The following CORIN variants were observed in gnomAD, a reference collection of about 807,000 sequenced individuals.
The protein encoded by CORIN is corin, serine peptidase.
Under a neutral mutation model 125.3 loss-of-function variants are expected in CORIN, and 117 were observed. The ratio of observed to expected loss-of-function variants is 0.93; its 90% CI spans 0.80 to 1.09. The LOEUF (loss-of-function observed/expected upper bound fraction) is 1.09, where lower values mean the gene tolerates loss of function less well. Ranked by LOEUF, CORIN falls within the 50% of genes least tolerant of loss-of-function variation. The pLI, the probability that CORIN is intolerant of heterozygous loss-of-function variation, is 0.00. For synonymous variants in CORIN, 450 were observed against 466.4 expected (o/e 0.96, Z 0.45); for missense variants, 1,253 against 1,306.7 (o/e 0.96, Z 0.63).
At chr4:47,825,375 A>G (rs1732698621) in intron 1 of CORIN, among the ~76,000 whole-genome samples, 1 of 152,194 alleles carries the variant, frequency 6.6e-6, no homozygotes, top group Non-Finnish European at 1.5e-5. Context: ...GCTAATTAGC[A>G]TCACCTGGGA....
At chr4:47,653,074 A>G (rs1723807260) in intron 13 of CORIN, among the ~76,000 whole-genome samples, 1 of 152,236 alleles carries the variant, frequency 6.6e-6, no homozygotes, top group East Asian at 1.9e-4. Flanking sequence ...TGTTGGCACA[A>G]TACAATAAGA....
Position 47,674,445 on chromosome 4 carries a change from A to C in CORIN, c.1305T>G (p.Asp435Glu), listed in dbSNP as rs1724920081. 6.2e-7 allele frequency: 1 copy of C among 1,613,950 alleles called. No individual in the cohort carries two copies. Among genetic ancestry groups the C allele is most frequent in the South Asian group, 1.1e-5 (1 of 91,084 alleles). The change falls in exon 10 of 22, where the codon GAT (aspartate) becomes GAG (glutamate). Residue 435 changes from aspartate to glutamate, a missense_variant. Asp to Glu is a conservative substitution (Grantham distance 45). Transcript: ENST00000273857. ...DQRCLYNPCL[D>E]SCGGSSLCDP... ...CACAGAGAGAGCTACCACCACATGA[A>C]TCAAGGCAGGGATTGTAGAGGCATC...
At chr4:47,674,887 C>T (rs1028066410) in intron 9 of CORIN, among the ~76,000 whole-genome samples, 1 of 152,116 alleles carries the variant, frequency 6.6e-6, no homozygotes, top group Non-Finnish European at 1.5e-5. Context: ...TTAAGTGACA[C>T]TTTTTTAAGA....
At chr4:47,606,007 A>G (rs893510867) in intron 19 of CORIN, among the ~76,000 whole-genome samples, 5 of 152,152 alleles carry the variant, frequency 3.3e-5, no homozygotes, top group Non-Finnish European at 7.3e-5. Context: ...TCCATTAAAC[A>G]AATAGTAATT....
intron 21 of CORIN, among the ~76,000 whole-genome samples, chr4:47,596,445 T>C (rs1371091450): frequency 1.3e-5 from 2 of 152,216 alleles, no homozygotes; most frequent in South Asian, 2.1e-4. Flanking sequence ...TAATTTGGCA[T>C]AGTTGAATAC....
chr4:47,732,486 T>C (rs764588481), intron 5 of CORIN, among the ~76,000 whole-genome samples: 2 of 151,988 alleles, frequency 1.3e-5, no homozygotes, highest in Non-Finnish European at 2.9e-5. Flanking sequence ...TTCTAAACCA[T>C]ATGTTGTACA....
intron 3 of CORIN, among the ~76,000 whole-genome samples, chr4:47,767,044 T>C (rs1362016739): frequency 6.6e-6 from 1 of 150,748 alleles, no homozygotes; most frequent in Non-Finnish European, 1.5e-5. Context: ...AAAAGAATAG[T>C]AAAGGGGAAA....
chr4:47,616,751 T>G (rs1722081995), intron 19 of CORIN, among the ~76,000 whole-genome samples: 1 of 152,064 alleles, frequency 6.6e-6, no homozygotes, highest in African/African-American at 2.4e-5. Context: ...TTTTAGGAAT[T>G]TTTCTGTGAA....
At chr4:47,650,512 C>G (rs1325078089) in intron 13 of CORIN, among the ~76,000 whole-genome samples, 2 of 152,224 alleles carry the variant, frequency 1.3e-5, no homozygotes, top group Non-Finnish European at 2.9e-5. Flanking sequence ...GAGATAACCT[C>G]AGCCTCACAC....
At chr4:47,661,329 T>C (rs959224729) in intron 12 of CORIN, among the ~76,000 whole-genome samples, 2 of 152,172 alleles carry the variant, frequency 1.3e-5, no homozygotes, top group Non-Finnish European at 2.9e-5. Context: ...TAAAGGAGTA[T>C]AACTGGATTG....
chr4:47,770,332 A>G (rs1166033776), intron 3 of CORIN, among the ~76,000 whole-genome samples: 2 of 152,156 alleles, frequency 1.3e-5, no homozygotes, highest in Non-Finnish European at 2.9e-5. Context: ...TAGGATGGCT[A>G]TTACTAAAAC....
At chr4:47,699,801 A>T (rs534317905) in intron 5 of CORIN, among the ~76,000 whole-genome samples, 3 of 152,232 alleles carry the variant, frequency 2.0e-5, no homozygotes, top group Non-Finnish European at 2.9e-5. Context: ...GCCTGCAGAC[A>T]CATCTGGTTT....
chr4:47,748,356 C>A (rs571446653), intron 4 of CORIN, among the ~76,000 whole-genome samples: 1 of 152,158 alleles, frequency 6.6e-6, no homozygotes, highest in South Asian at 2.1e-4. Context: ...GGAAGGAGAC[C>A]ACTTTAGCTA....
chr4:47,603,988 A>T (rs1289122948), intron 19 of CORIN, among the ~76,000 whole-genome samples: 1 of 152,198 alleles, frequency 6.6e-6, no homozygotes, highest in African/African-American at 2.4e-5. Flanking sequence ...AAGAGAGAGG[A>T]GCAAGAGGAA....
intron 13 of CORIN, among the ~76,000 whole-genome samples, chr4:47,649,257 A>T (rs1282597637): frequency 6.6e-6 from 1 of 152,226 alleles, no homozygotes; most frequent in Non-Finnish European, 1.5e-5. Flanking sequence ...AATCCTAAAA[A>T]GAGAGAACAT....
chr4:47,622,860 G>T (rs983229400), intron 19 of CORIN, among the ~76,000 whole-genome samples: 1 of 151,982 alleles, frequency 6.6e-6, no homozygotes, highest in Non-Finnish European at 1.5e-5. Context: ...ACCTTTGTTT[G>T]TCATCATTGT....
At position 47,788,683 on chromosome 4, in the gene CORIN, CCTTG is replaced by C. The variant is rs554054773; in HGVS notation, c.209-1762_209-1759del. ...ACATCCATTTGTTAATTGCTCTCTT[CCTTG>C]CTTATTTTTGGCATAAAGAGATTTT... On this transcript the variant is annotated intron_variant, in intron 2 of 21. Transcript: ENST00000273857. 8.1e-3 allele frequency among the ~76,000 whole-genome samples: 1,227 copies of C among 152,222 alleles called. 16 individuals carry two copies. The highest frequency in any genetic ancestry group is 0.013 in the Admixed American group (203 of 15,288).
chr4:47,705,363 G>T (rs1726500682), intron 5 of CORIN, among the ~76,000 whole-genome samples: 1 of 152,204 alleles, frequency 6.6e-6, no homozygotes, highest in Admixed American at 6.5e-5. Context: ...CTCTGTGAGG[G>T]CAGTGAATTT....
In CORIN at chr4:47,726,543, G is replaced by A. The variant is rs376739214; in HGVS notation, c.799+17859C>T. ...TCAGCAGTTTCCAGAGGTTTGGAGT[G>A]TGGTTTTGGCCATAAAGGACAAGAC... is the stretch of plus-strand genomic sequence containing the variant. On this transcript the variant is annotated intron_variant, in intron 5 of 21. Transcript: ENST00000273857. Among the ~76,000 whole-genome samples, 14 of 152,226 alleles carry A rather than the reference G, an allele frequency of 9.2e-5. No homozygotes were observed. In the South Asian group the frequency reaches 2.5e-3, roughly 27 times the overall value.
Sources: allele counts gnomAD v4.1 joint callset (sites outside exome capture counted in the v4.1 genomes callset), GRCh38; gene constraint gnomAD v4.1.1; transcripts MANE v1.5; gene names NCBI Gene and HGNC (gene_info 2026-07-23, HGNC 2026-07-21).